Variants in NKAPD1 observed in about 807,000 individuals in gnomAD.
The protein encoded by NKAPD1 is NKAP domain containing 1.
Under a neutral mutation model 30.9 loss-of-function variants are expected in NKAPD1, and 12 were observed. The observed-to-expected ratio is 0.39, with a 90% CI of 0.25 to 0.63. The LOEUF is 0.63. Ranked by LOEUF, NKAPD1 falls within the 20% of genes least tolerant of loss-of-function variation. The pLI, the probability that NKAPD1 is intolerant of heterozygous loss-of-function variation, is 0.51. For missense variants in NKAPD1, 311 were observed against 344.5 expected, an observed-to-expected ratio of 0.90 and a Z score of 0.77; for synonymous variants, 91 against 113.6, an observed-to-expected ratio of 0.80 and a Z score of 1.26.
intron 1 of NKAPD1, among the ~76,000 whole-genome samples, chr11:112,075,289 T>TA (rs1186659453): frequency 1.3e-5 from 2 of 152,212 alleles, no homozygotes; most frequent in East Asian, 1.9e-4. Flanking sequence ...AAAAAGTAGT[T>TA]ATGAGGATTA....
chr11:112,077,888 C>G (rs1002318759), intron 2 of NKAPD1, among the ~76,000 whole-genome samples: 1 of 151,772 alleles, frequency 6.6e-6, no homozygotes, highest in South Asian at 2.1e-4. Context: ...CTCCATCGCC[C>G]AGGCTGGAGT....
Position 112,080,410 on chromosome 11 carries a change from C to T in NKAPD1, c.172C>T (p.Arg58Trp), listed in dbSNP as rs754001029. 28 of 1,612,552 alleles carry T rather than the reference C, an allele frequency of 1.7e-5. No individual in the cohort carries two copies. The East Asian group carries it at 2.0e-4, about 12-fold the overall frequency. Reference protein sequence around the residue: ...KRKMLPSSSSRMRSDGFDEES... With the variant: ...KRKMLPSSSSWMRSDGFDEES... ...AAGTTCTTCTGCTTTCTCTTTTAGC[C>T]GGATGCGCAGTGATGGTTTTGATGA... Residue 58 changes from arginine to tryptophan, a missense_variant and splice_region_variant, in exon 4 of 6, where the codon CGG (arginine) becomes TGG (tryptophan). By Grantham distance (101) the Arg-to-Trp change is moderately radical. Coordinates refer to ENST00000393047, the MANE Select transcript of NKAPD1 (RefSeq NM_018195.4).
intron 4 of NKAPD1, chr11:112,081,526 G>A (rs545044588): frequency 7.6e-4 from 120 of 158,244 alleles, no homozygotes; most frequent in Middle Eastern, 3.2e-3. Flanking sequence ...CCAGCTACTC[G>A]GGAGGCTAAG....
intron 3 of NKAPD1, among the ~76,000 whole-genome samples, chr11:112,078,535 C>G (rs549806651): frequency 6.6e-6 from 1 of 152,174 alleles, no homozygotes; most frequent in Admixed American, 6.5e-5. Context: ...AAAATTCTAC[C>G]TGAACAATTA....
intron 5 of NKAPD1, 85 bp downstream of exon 5, chr11:112,082,120 T>C: frequency 1.7e-6 from 2 of 1,151,290 alleles, no homozygotes; most frequent in Non-Finnish European, 1.3e-6. Flanking sequence ...ACGAAGAATA[T>C]ACTTGCCATC....
rs139448256 is a variant in NKAPD1 at position 112,082,597 on chromosome 11, A to G, written c.507A>G (p.Lys169=). The G allele has an allele frequency of 9.3e-5, 150 of 1,613,316 alleles. No homozygotes were observed. Among genetic ancestry groups the G allele is most frequent in the Non-Finnish European group, 1.9e-5 (22 of 1,179,930 alleles). Residue 169 remains lysine (K), a synonymous_variant, in exon 6 of 6, where the codon AAA becomes AAG. Coordinates refer to ENST00000393047, the MANE Select transcript of NKAPD1 (RefSeq NM_018195.4). ...KKKQKKRSHK[K]QKKSKKEATD... is the part of the protein sequence containing the mutation. The stretch of plus-strand genomic sequence containing the variant: ...AGCAGAAAAAAAGGTCACACAAAAA[A>G]CAGAAGAAAAGCAAAAAGGAAGCCA...
rs1865482496 is a variant in NKAPD1 at position 112,082,673 on chromosome 11, T to C, written c.583T>C (p.Ser195Pro). 6.2e-7 allele frequency: 1 copy of C among 1,613,898 alleles called. No homozygotes were observed. The highest frequency in any genetic ancestry group is 1.3e-5 in the African/African-American group (1 of 74,902). ...SSEFSEETGASGTRKGKQPHK... is the reference protein window; with the variant it reads ...SSEFSEETGAPGTRKGKQPHK... ...TGAGTTCTCAGAAGAAACTGGGGCTTCTGGTACAAGGAAAGGGAAACAACC... is the reference window on the plus strand; with the variant it reads ...TGAGTTCTCAGAAGAAACTGGGGCTCCTGGTACAAGGAAAGGGAAACAACC... Residue 195 changes from serine to proline, a missense_variant, in exon 6 of 6, where the codon TCT becomes CCT. Ser to Pro is a moderately conservative substitution (Grantham distance 74, BLOSUM62 -1). Coordinates refer to ENST00000393047, the MANE Select transcript of NKAPD1 (RefSeq NM_018195.4).
chr11:112,076,172 T>A (rs2135242047), intron 2 of NKAPD1, among the ~76,000 whole-genome samples: 1 of 152,306 alleles, frequency 6.6e-6, no homozygotes, highest in East Asian at 1.9e-4. Flanking sequence ...CTCTAGGCAA[T>A]AAAGAAGCCA....
chr11:112,081,844 T>C, intron 4 of NKAPD1, 138 bp from the exon 5 acceptor site: 3 of 680,952 alleles, frequency 4.4e-6, no homozygotes, highest in Non-Finnish European at 7.9e-6. Flanking sequence ...TGAGCTATAA[T>C]GGGGGCTTGG....
At position 112,084,271 on chromosome 11, in the gene NKAPD1, T is replaced by C. The variant is rs746717114; in HGVS notation, c.*1299T>C. On this transcript the variant is annotated 3_prime_UTR_variant, in exon 6 of 6. Transcript: ENST00000393047. ...GCATGACAGTATAAGACACCAGCAG[T>C]AGATACAACTATGATGACATTCCAT... The C allele has an allele frequency of 1.3e-5, 2 of 152,602 alleles. No individual in the cohort carries two copies. The highest frequency in any genetic ancestry group is 4.8e-5 in the African/African-American group (2 of 41,436). 9.5% of individuals were successfully genotyped at this position (152,602 alleles called of 1,614,324 possible).
At position 112,074,560 on chromosome 11, in the gene NKAPD1, C is replaced by G; in HGVS notation, c.-365C>G. Reference sequence around the variant, plus strand: ...AACCGAAGGCCGTAGCCATCCAAAGCGTTCCCAGCCTTTCTGGGGAGTGAA... The same window carrying G: ...AACCGAAGGCCGTAGCCATCCAAAGGGTTCCCAGCCTTTCTGGGGAGTGAA... On this transcript the variant is annotated 5_prime_UTR_variant, in exon 1 of 6. Coordinates refer to ENST00000393047, the MANE Select transcript of NKAPD1 (RefSeq NM_018195.4). 2.5e-6 allele frequency: 1 copy of G among 398,930 alleles called. No homozygotes were observed. The highest frequency in any genetic ancestry group is 4.4e-6 in the Non-Finnish European group (1 of 226,072). 24.7% of individuals were successfully genotyped at this position (398,930 alleles called of 1,614,324 possible). A position where few individuals can be genotyped will look rare whatever the true frequency, so the allele number is the denominator to read the frequency against.
At position 112,082,521 on chromosome 11, in the gene NKAPD1, C is replaced by T. The variant is rs764459337; in HGVS notation, c.431C>T (p.Ser144Phe). ...GKKTSPQVKS[S>F]THESRKHKKS... ...AAAACATCTCCCCAGGTAAAGTCAT[C>T]TACCCATGAATCCCGCAAACACAAG... The change falls in exon 6 of 6, where the codon TCT becomes TTT. Residue 144 changes from serine to phenylalanine, a missense_variant. Coordinates refer to ENST00000393047, the MANE Select transcript of NKAPD1 (RefSeq NM_018195.4). The T allele has an allele frequency of 1.9e-6, 3 of 1,607,060 alleles. No homozygotes were observed. The highest frequency in any genetic ancestry group is 2.2e-5 in the South Asian group (2 of 89,246).
chr11:112,075,689 G>A (rs1229112074), intron 2 of NKAPD1, 46 bp downstream of exon 2: 1 of 1,583,222 alleles, frequency 6.3e-7, no homozygotes, highest in Non-Finnish European at 8.6e-7. Context: ...CTGAAGGCAA[G>A]CAGTGTGCCA....
At position 112,074,335 on chromosome 11, in the gene NKAPD1, C is replaced by G. The variant is rs573820019; in HGVS notation, c.-590C>G. On this transcript the variant is annotated 5_prime_UTR_variant, in exon 1 of 6. Transcript: ENST00000393047. The stretch of plus-strand genomic sequence containing the variant: ...AAACCACTTCTTCCCCCCTACCCCC[C>G]GCCACGCGAGGCTGCGGCGCACGGT... 4.3e-5 allele frequency: 17 copies of G among 399,146 alleles called. No individual in the cohort carries two copies. Among genetic ancestry groups the G allele is most frequent in the South Asian group, 1.3e-4 (1 of 7,860 alleles). 24.7% of individuals were successfully genotyped at this position (399,146 alleles called of 1,614,324 possible).
Position 112,082,577 on chromosome 11 carries a change from A to G in NKAPD1, c.487A>G (p.Lys163Glu), listed in dbSNP as rs773076561. The G allele has an allele frequency of 6.2e-7, 1 of 1,612,726 alleles. No individual in the cohort carries two copies. The highest frequency in any genetic ancestry group is 8.5e-7 in the Non-Finnish European group (1 of 1,179,686). ...KSKKSHKKKQKKRSHKKQKKS... is the reference protein window; with the variant it reads ...KSKKSHKKKQEKRSHKKQKKS... ...AAAGAAATCCCACAAAAAAAAGCAG[A>G]AAAAAAGGTCACACAAAAAACAGAA... The change falls in exon 6 of 6, where the codon AAA becomes GAA. Residue 163 changes from lysine to glutamate, a missense_variant. Lys to Glu is a moderately conservative substitution (Grantham distance 56). Transcript: ENST00000393047.
intron 4 of NKAPD1, chr11:112,080,771 C>A: frequency 1.9e-6 from 1 of 532,452 alleles, no homozygotes; most frequent in Non-Finnish European, 3.3e-6. Context: ...TATTATTTGG[C>A]AGTAAAAGAA....
Position 112,083,584 on chromosome 11 carries a change from C to T in NKAPD1, c.*612C>T, listed in dbSNP as rs138507332. 2 of 152,732 alleles carry T rather than the reference C, an allele frequency of 1.3e-5. No individual in the cohort carries two copies. The highest frequency in any genetic ancestry group is 6.5e-5 in the Admixed American group (1 of 15,294). The allele number at this position is 152,732 out of a possible 1,614,324, so 9.5% of individuals were successfully genotyped here. A position where few individuals can be genotyped will look rare whatever the true frequency, so the allele number is the denominator to read the frequency against. On this transcript the variant is annotated 3_prime_UTR_variant, in exon 6 of 6. Transcript: ENST00000393047. ...GGGACTAGAGTTTTTGCAAATTTCCCTGCTGGATGGGGCCTATAGCTATAC... is the reference window on the plus strand; with the variant it reads ...GGGACTAGAGTTTTTGCAAATTTCCTTGCTGGATGGGGCCTATAGCTATAC...
chr11:112,074,643 G>C lies in NKAPD1; in HGVS notation c.-282G>C. On this transcript the variant is annotated 5_prime_UTR_variant, in exon 1 of 6. Coordinates refer to ENST00000393047, the MANE Select transcript of NKAPD1 (RefSeq NM_018195.4). ...GAGCGGGGAATGCCCAGGTCAACCGGGCTGTCCGAATTCCGCCCCGGCTCA... is the reference window on the plus strand; with the variant it reads ...GAGCGGGGAATGCCCAGGTCAACCGCGCTGTCCGAATTCCGCCCCGGCTCA... 1 of 396,986 alleles carries C rather than the reference G, an allele frequency of 2.5e-6. No individual in the cohort carries two copies. The highest frequency in any genetic ancestry group is 4.4e-6 in the Non-Finnish European group (1 of 225,412). 24.6% of individuals were successfully genotyped at this position (396,986 alleles called of 1,614,324 possible). A position where few individuals can be genotyped will look rare whatever the true frequency, so the allele number is the denominator to read the frequency against.
At position 112,085,053 on chromosome 11, in the gene NKAPD1, G is replaced by C. The variant is rs1438897575; in HGVS notation, c.*2081G>C. The C allele has an allele frequency of 8.2e-6, 3 of 366,740 alleles. No homozygotes were observed. The highest frequency in any genetic ancestry group is 6.1e-5 in the African/African-American group (3 of 48,916). 22.7% of individuals were successfully genotyped at this position (366,740 alleles called of 1,614,324 possible). A position where few individuals can be genotyped will look rare whatever the true frequency, so the allele number is the denominator to read the frequency against. On this transcript the variant is annotated 3_prime_UTR_variant, in exon 6 of 6. Coordinates refer to ENST00000393047, the MANE Select transcript of NKAPD1 (RefSeq NM_018195.4). ...ATCTCTATATTAAATTCTAAAATGG[G>C]ATTAAAAGAAGAGTTGGAGAATTCA...
Sources: gnomAD v4.1 joint callset for allele counts (sites outside exome capture counted in the v4.1 genomes callset) on GRCh38, gnomAD v4.1.1 for gene constraint, MANE v1.5 for transcripts, NCBI Gene and HGNC (gene_info 2026-07-23, HGNC 2026-07-21) for gene names.